WDFY3: variants seen among roughly 807,000 people sequenced by gnomAD.
WDFY3 encodes the protein WD repeat and FYVE domain containing 3.
WDFY3 carries 66 observed loss-of-function variants against 409.6 expected under a neutral mutation model. The observed-to-expected ratio is 0.16, with a 90% CI of 0.13 to 0.20. WDFY3 has a LOEUF of 0.20. Among genes scored for constraint, WDFY3 ranks in the 10% least tolerant of loss-of-function variants. WDFY3 has a pLI of 1.00. For missense variants in WDFY3, 3,031 were observed against 4,298.1 expected, an observed-to-expected ratio of 0.71 and a Z score of 8.24; for synonymous variants, 1,521 against 1,537.1, an observed-to-expected ratio of 0.99 and a Z score of 0.25.
At chr4:84,890,901 T>C (rs1177989668) in intron 3 of WDFY3, among the ~76,000 whole-genome samples, 1 of 152,218 alleles carries the variant, frequency 6.6e-6, no homozygotes, top group Non-Finnish European at 1.5e-5. Flanking sequence ...CCTCCCACTT[T>C]GGGTTCCCAA....
intron 3 of WDFY3, among the ~76,000 whole-genome samples, chr4:84,880,557 C>T (rs1394884128): frequency 6.7e-6 from 1 of 148,452 alleles, no homozygotes; most frequent in Non-Finnish European, 1.5e-5. Context: ...AGGTACATGC[C>T]CTAAGGAAAC....
At chr4:84,786,810 G>A (rs1747635629) in intron 23 of WDFY3, among the ~76,000 whole-genome samples, 1 of 152,128 alleles carries the variant, frequency 6.6e-6, no homozygotes, top group African/African-American at 2.4e-5. Context: ...TGCCCAAGAA[G>A]TGTTAGCTTT....
intron 36 of WDFY3, 88 bp from the exon 37 acceptor site, chr4:84,743,887 A>C: frequency 1.3e-6 from 1 of 795,972 alleles, no homozygotes; most frequent in East Asian, 3.4e-5. Flanking sequence ...ATATATTAAA[A>C]AGATTAAAAA....
chr4:84,928,620 C>T (rs913446453), intron 2 of WDFY3, among the ~76,000 whole-genome samples: 1 of 152,098 alleles, frequency 6.6e-6, no homozygotes, highest in Admixed American at 6.6e-5. Flanking sequence ...TTGAGCAGTA[C>T]CCTTGGCCAG....
At chr4:84,775,620 G>A (rs544198466) in intron 27 of WDFY3, among the ~76,000 whole-genome samples, 1 of 151,992 alleles carries the variant, frequency 6.6e-6, no homozygotes, top group East Asian at 1.9e-4. Context: ...TAGTGTATGA[G>A]TGATTTGAGA....
chr4:84,845,401 G>A (rs1449974064), intron 5 of WDFY3, among the ~76,000 whole-genome samples: 2 of 152,144 alleles, frequency 1.3e-5, no homozygotes, highest in African/African-American at 4.8e-5. Flanking sequence ...GCAGAATGGT[G>A]GTTGGTGGCC....
At chr4:84,756,205 T>G (rs1273757725) in intron 33 of WDFY3, among the ~76,000 whole-genome samples, 1 of 152,176 alleles carries the variant, frequency 6.6e-6, no homozygotes, top group African/African-American at 2.4e-5. Context: ...GAATTTGCAC[T>G]GAGAATCCTG....
intron 5 of WDFY3, among the ~76,000 whole-genome samples, chr4:84,847,751 G>T (rs371542781): frequency 7.0e-6 from 1 of 142,976 alleles, no homozygotes; most frequent in South Asian, 2.2e-4. Flanking sequence ...TCCAGCATGG[G>T]GGCCAGAGTA....
At chr4:84,871,378 AT>A (rs1762111656) in intron 3 of WDFY3, among the ~76,000 whole-genome samples, 1 of 152,116 alleles carries the variant, frequency 6.6e-6, no homozygotes, top group African/African-American at 2.4e-5. Flanking sequence ...TAACATACCA[AT>A]TTCCCACCCA....
chr4:84,861,086 G>C (rs796362354), intron 3 of WDFY3, among the ~76,000 whole-genome samples: 1 of 152,014 alleles, frequency 6.6e-6, no homozygotes, highest in African/African-American at 2.4e-5. Context: ...TAGTGTGCGC[G>C]TATAGTCCCA....
intron 3 of WDFY3, among the ~76,000 whole-genome samples, chr4:84,868,679 T>C (rs1185203540): frequency 6.6e-6 from 1 of 152,182 alleles, no homozygotes; most frequent in Non-Finnish European, 1.5e-5. Flanking sequence ...ATATTTCACT[T>C]ACATAAAATT....
chr4:84,875,262 A>AC (rs1762620546), intron 3 of WDFY3, among the ~76,000 whole-genome samples: 1 of 122,392 alleles, frequency 8.2e-6, no homozygotes. Flanking sequence ...AGCAAGACTC[A>AC]AACACACACA....
chr4:84,916,723 A>C (rs114038524), intron 2 of WDFY3, among the ~76,000 whole-genome samples: 79 of 152,338 alleles, frequency 5.2e-4, no homozygotes, highest in African/African-American at 1.9e-3. Context: ...ATTGAAAATG[A>C]ATATACTGAA....
At chr4:84,755,538 A>G in intron 33 of WDFY3, 138 bp from the exon 34 acceptor site, 1 of 918,586 alleles carries the variant, frequency 1.1e-6, no homozygotes, top group Non-Finnish European at 1.6e-6. Context: ...AGACATAAAG[A>G]ACTAGTACCC....
chr4:84,744,914 G>A (rs1489371404), intron 36 of WDFY3, among the ~76,000 whole-genome samples: 1 of 145,236 alleles, frequency 6.9e-6, no homozygotes, highest in Non-Finnish European at 1.5e-5. Context: ...TAGATTGTCA[G>A]CAAAGACATA....
At position 84,724,377 on chromosome 4, in the gene WDFY3, A is replaced by T. The variant is rs778597803; in HGVS notation, c.7441+49T>A. On this transcript the variant is annotated intron_variant, in intron 46 of 67. Transcript: ENST00000295888. The stretch of plus-strand genomic sequence containing the variant: ...CAAATTTTTGTATGAATTCAAATAC[A>T]AGAATGTTCCAAAATCACTTTTAAT... The T allele has an allele frequency of 6.5e-5, 101 of 1,555,714 alleles. 1 individual carries two copies. Among genetic ancestry groups the T allele is most frequent in the Non-Finnish European group, 1.7e-6 (2 of 1,151,362 alleles).
intron 50 of WDFY3, among the ~76,000 whole-genome samples, chr4:84,714,508 T>C (rs1329630637): frequency 2.0e-5 from 3 of 152,204 alleles, no homozygotes; most frequent in African/African-American, 4.8e-5. Flanking sequence ...ATACTACTTT[T>C]TCAAGGATGA....
chr4:84,914,409 G>A (rs565865902), intron 2 of WDFY3, among the ~76,000 whole-genome samples: 10 of 152,038 alleles, frequency 6.6e-5, no homozygotes, highest in South Asian at 6.2e-4. Flanking sequence ...GTGAGACTCC[G>A]TCTCAAAAAC....
chr4:84,946,806 A>AT (rs549006374), intron 1 of WDFY3, among the ~76,000 whole-genome samples: 2,081 of 150,172 alleles, frequency 0.014, 29 homozygotes, highest in Non-Finnish European at 0.022. Flanking sequence ...TAATCCTTTC[A>AT]TTTTTTGTTT....
Sources: allele counts gnomAD v4.1 joint callset (sites outside exome capture counted in the v4.1 genomes callset), GRCh38; gene constraint gnomAD v4.1.1; transcripts MANE v1.5; gene names NCBI Gene and HGNC (gene_info 2026-07-23, HGNC 2026-07-21).